DAB2IP: variants seen among roughly 807,000 people sequenced by gnomAD.
DAB2IP encodes disabled homolog 2-interacting protein.
In DAB2IP, 28 loss-of-function variants were observed where a neutral mutation model predicts 107.2. That is an observed-to-expected ratio of 0.26 (90% confidence interval 0.19 to 0.36). The LOEUF is 0.36. Ranked by LOEUF, DAB2IP falls within the 10% of genes least tolerant of loss-of-function variation. The pLI is 1.00. For synonymous variants in DAB2IP, 755 were observed against 706.4 expected (o/e 1.07, Z -1.09); for missense variants, 1,400 against 1,644.7 (o/e 0.85, Z 2.57).
intron 1 of DAB2IP, among the ~76,000 whole-genome samples, chr9:121,567,882 A>C (rs895874835): frequency 6.6e-6 from 1 of 152,260 alleles, no homozygotes; most frequent in South Asian, 2.1e-4. Flanking sequence ...CAGCTCCTGC[A>C]CTACTCAGCC....
chr9:121,718,220 C>T (rs181356779), intron 3 of DAB2IP, among the ~76,000 whole-genome samples: 16 of 152,292 alleles, frequency 1.1e-4, no homozygotes, highest in Non-Finnish European at 1.9e-4. Context: ...GACTGGCTGC[C>T]TTCTCCCAGC....
chr9:121,637,830 C>A (rs1048316896), intron 1 of DAB2IP, among the ~76,000 whole-genome samples: 4 of 152,074 alleles, frequency 2.6e-5, no homozygotes, highest in African/African-American at 9.7e-5. Context: ...AATGAGAAGC[C>A]CTGCAACCTG....
At position 121,781,572 on chromosome 9, in the gene DAB2IP, G is replaced by T. The variant is rs778786587; in HGVS notation, c.3402+21G>T. The T allele has an allele frequency of 3.7e-6, 6 of 1,612,132 alleles. No homozygotes were observed. In the African/African-American group the frequency reaches 8.1e-5, roughly 22 times the overall value. On this transcript the variant is annotated intron_variant, in intron 15 of 15. Transcript: ENST00000408936. ...CCCAGGTGGGGGCTCCGGCCCTTTG[G>T]TCAGCCACAAGAGTTAAAGGGCCTG...
chr9:121,619,276 A>G (rs1831379555), intron 1 of DAB2IP, among the ~76,000 whole-genome samples: 2 of 152,170 alleles, frequency 1.3e-5, no homozygotes, highest in Non-Finnish European at 2.9e-5. Context: ...CCTCCTGAGT[A>G]GCTGGGACTG....
At chr9:121,669,681 T>A (rs954594384) in intron 1 of DAB2IP, among the ~76,000 whole-genome samples, 1 of 152,208 alleles carries the variant, frequency 6.6e-6, no homozygotes, top group African/African-American at 2.4e-5. Flanking sequence ...CAGCAGTCAC[T>A]GCTTTCAGCC....
chr9:121,690,530 A>T (rs949129732), intron 2 of DAB2IP, among the ~76,000 whole-genome samples: 32 of 152,166 alleles, frequency 2.1e-4, no homozygotes, highest in African/African-American at 7.5e-4. Flanking sequence ...GGCAAGTGTC[A>T]GCTGGAGGAT....
intron 3 of DAB2IP, among the ~76,000 whole-genome samples, chr9:121,708,400 C>T (rs1186391811): frequency 1.3e-5 from 2 of 152,228 alleles, no homozygotes; most frequent in Non-Finnish European, 2.9e-5. Flanking sequence ...TCTCCCTCCT[C>T]AGAGAAGTAG....
At chr9:121,606,835 C>T (rs199749033) in intron 1 of DAB2IP, among the ~76,000 whole-genome samples, 4 of 151,246 alleles carry the variant, frequency 2.6e-5, no homozygotes, top group Admixed American at 6.6e-5. Context: ...AGTGCAGTAG[C>T]GTGATCTCAG....
chr9:121,627,593 G>A (rs1831708090), intron 1 of DAB2IP, among the ~76,000 whole-genome samples: 2 of 152,176 alleles, frequency 1.3e-5, no homozygotes, highest in African/African-American at 4.8e-5. Context: ...GCAGCAGGAT[G>A]TGAGAGTCGG....
intron 1 of DAB2IP, among the ~76,000 whole-genome samples, chr9:121,629,804 G>A (rs2119013692): frequency 6.6e-6 from 1 of 152,228 alleles, no homozygotes; most frequent in Middle Eastern, 3.4e-3. Context: ...GAAGGTCAGG[G>A]CCTCGGCAGC....
Position 121,760,491 on chromosome 9 carries a change from T to C in DAB2IP, c.1170+52T>C. 6.7e-7 allele frequency: 1 copy of C among 1,503,528 alleles called. No homozygotes were observed. 93.1% of individuals were successfully genotyped at this position (1,503,528 alleles called of 1,614,324 possible). A position where few individuals can be genotyped will look rare whatever the true frequency, so the allele number is the denominator to read the frequency against. ...CACAGGCTGGGCGGCAGCACTGGGT[T>C]ACCTGCCCTTCCTCACATCCGTACA... On this transcript the variant is annotated intron_variant, in intron 6 of 15. Coordinates refer to ENST00000408936, the Ensembl canonical transcript of DAB2IP. This position sits in a 1 kb window ranked among gnomAD's most constrained non-coding sequence, Gnocchi z 5.9.
intron 1 of DAB2IP, among the ~76,000 whole-genome samples, chr9:121,658,322 C>G (rs572388955): frequency 3.3e-5 from 5 of 152,326 alleles, no homozygotes; most frequent in African/African-American, 1.2e-4. Flanking sequence ...TCAGAGCTTG[C>G]TGGGAGCTGA....
At chr9:121,706,659 CAGG>C (rs1488716754) in intron 3 of DAB2IP, among the ~76,000 whole-genome samples, 4 of 152,294 alleles carry the variant, frequency 2.6e-5, no homozygotes, top group African/African-American at 7.2e-5. Context: ...TGGAAACTCG[CAGG>C]AGATTTTAGT....
intron 3 of DAB2IP, among the ~76,000 whole-genome samples, chr9:121,727,260 C>T (rs1006305659): frequency 5.3e-5 from 8 of 152,252 alleles, no homozygotes; most frequent in African/African-American, 1.7e-4. Flanking sequence ...GCACTGCCCG[C>T]GGTGAAGCTG....
rs879595956 is a variant in DAB2IP at position 121,595,240 on chromosome 9, T to TA, written c.40+28023dup. 4.3e-3 allele frequency among the ~76,000 whole-genome samples: 618 copies of TA among 145,004 alleles called. 2 individuals are homozygous for TA. The highest frequency in any genetic ancestry group is 0.013 in the African/African-American group (534 of 39,838). Reference sequence around the variant, plus strand: ...CCTCCCACCATGACTCTCTGCACCTTAAAAAAAAAAAGTGATGAAGAATAA... The same window carrying TA: ...CCTCCCACCATGACTCTCTGCACCTTAAAAAAAAAAAAGTGATGAAGAATAA... On this transcript the variant is annotated intron_variant, in intron 1 of 16. Coordinates refer to the DAB2IP transcript ENST00000259371.
intron 6 of DAB2IP, among the ~76,000 whole-genome samples, chr9:121,762,243 G>C (rs1264094485): frequency 6.6e-6 from 1 of 152,192 alleles, no homozygotes; most frequent in African/African-American, 2.4e-5. Context: ...TTTTCCTGCT[G>C]TGTGTGCATT....
chr9:121,745,475 G>C (rs1242460648), intron 3 of DAB2IP, among the ~76,000 whole-genome samples: 2 of 152,204 alleles, frequency 1.3e-5, no homozygotes, highest in South Asian at 4.1e-4. Context: ...AGCCTGAGAA[G>C]CAGCTGCTCT....
chr9:121,626,424 C>CT (rs59085032), intron 1 of DAB2IP, among the ~76,000 whole-genome samples: 2,008 of 114,490 alleles, frequency 0.018, 73 homozygotes, highest in African/African-American at 0.059. Context: ...GACGAGAAAC[C>CT]TTTTTTTTTT....
At chr9:121,593,622 A>AT (rs60401432) in intron 1 of DAB2IP, among the ~76,000 whole-genome samples, 3,729 of 134,868 alleles carry the variant, frequency 0.028, 67 homozygotes, top group African/African-American at 0.055. Context: ...TTCTTTCTTT[A>AT]TTAGTTTTAT....
Sources: allele counts gnomAD v4.1 joint callset (sites outside exome capture counted in the v4.1 genomes callset), GRCh38; gene constraint gnomAD v4.1.1; non-coding constraint Gnocchi (gnomAD v3.1); transcripts MANE v1.5; gene names NCBI Gene and HGNC (gene_info 2026-07-23, HGNC 2026-07-21).